Variants in TJP1 observed in about 807,000 individuals in gnomAD.
TJP1 encodes the protein tight junction protein 1, also known as tight junction protein ZO-1.
Under a neutral mutation model 194.2 loss-of-function variants are expected in TJP1, and 43 were observed. The ratio of observed to expected loss-of-function variants is 0.22; its 90% CI spans 0.17 to 0.29. TJP1 has a LOEUF of 0.29. Among genes scored for constraint, TJP1 ranks in the 10% least tolerant of loss-of-function variants. The pLI, the probability that TJP1 is intolerant of heterozygous loss-of-function variation, is 1.00. For synonymous variants in TJP1, 801 were observed against 779.0 expected (o/e 1.03, Z -0.47); for missense variants, 1,971 against 2,185.7 (o/e 0.90, Z 1.96).
chr15:29,937,879 C>G (rs991229821), intron 2 of TJP1, among the ~76,000 whole-genome samples: 4 of 152,194 alleles, frequency 2.6e-5, no homozygotes, highest in African/African-American at 9.7e-5. Flanking sequence ...TTATCAAATG[C>G]TAAATCTAGG....
intron 2 of TJP1, among the ~76,000 whole-genome samples, chr15:29,882,244 CAT>C (rs2052961723): frequency 6.6e-6 from 1 of 152,026 alleles, no homozygotes; most frequent in Non-Finnish European, 1.5e-5. Context: ...GAGTTTTCAC[CAT>C]ATGTTTTGTG....
At chr15:29,722,026 T>C (rs2042959414) in intron 18 of TJP1, among the ~76,000 whole-genome samples, 1 of 152,232 alleles carries the variant, frequency 6.6e-6, no homozygotes, top group South Asian at 2.1e-4. Context: ...AAACAGATTA[T>C]CTGAAACTGG....
chr15:29,795,219 T>C (rs2048329040), intron 2 of TJP1, among the ~76,000 whole-genome samples: 1 of 150,490 alleles, frequency 6.6e-6, no homozygotes, highest in East Asian at 2.0e-4. Context: ...AGGTCAGGAG[T>C]TCAAGACCAG....
intron 2 of TJP1, among the ~76,000 whole-genome samples, chr15:29,841,081 C>T (rs2051207662): frequency 6.6e-6 from 1 of 152,112 alleles, no homozygotes; most frequent in Non-Finnish European, 1.5e-5. Flanking sequence ...AGGACACTGG[C>T]ATTTCCCATG....
At chr15:29,753,219 C>T (rs1319879791) in intron 8 of TJP1, among the ~76,000 whole-genome samples, 2 of 151,894 alleles carry the variant, frequency 1.3e-5, no homozygotes, top group Non-Finnish European at 2.9e-5. Context: ...CGCAGTGGCT[C>T]ACGCCTGTAA....
intron 2 of TJP1, among the ~76,000 whole-genome samples, chr15:29,785,402 G>A (rs968547103): frequency 2.0e-5 from 3 of 152,100 alleles, no homozygotes; most frequent in Non-Finnish European, 4.4e-5. Flanking sequence ...AGTTCCAACA[G>A]GGACCTTGTG....
At chr15:29,928,956 A>C (rs545792497) in intron 2 of TJP1, among the ~76,000 whole-genome samples, 3 of 152,214 alleles carry the variant, frequency 2.0e-5, no homozygotes, top group African/African-American at 4.8e-5. Context: ...AAAAACCAAA[A>C]CAAAACACAC....
At chr15:29,870,144 C>T (rs946503800) in intron 2 of TJP1, among the ~76,000 whole-genome samples, 1 of 148,026 alleles carries the variant, frequency 6.8e-6, no homozygotes, top group Non-Finnish European at 1.5e-5. Flanking sequence ...CTGTCCCTTT[C>T]CTCTTTCTAA....
At chr15:29,948,137 C>T (rs529878928) in intron 2 of TJP1, among the ~76,000 whole-genome samples, 16 of 151,876 alleles carry the variant, frequency 1.1e-4, no homozygotes, top group Non-Finnish European at 1.8e-4. Context: ...TGGTGGTGCC[C>T]GCCTGTAGTC....
At chr15:29,931,675 C>A (rs1233249007) in intron 2 of TJP1, among the ~76,000 whole-genome samples, 1 of 152,106 alleles carries the variant, frequency 6.6e-6, no homozygotes, top group Non-Finnish European at 1.5e-5. Context: ...AGTACTTGCC[C>A]TACTGTTAGA....
chr15:29,719,233 T>A, intron 20 of TJP1, 95 bp from the exon 21 acceptor site: 1 of 1,333,478 alleles, frequency 7.5e-7, no homozygotes, highest in Non-Finnish European at 1.0e-6. Flanking sequence ...CGATTTAATA[T>A]GTGAAAATGG....
chr15:29,741,482 A>G (rs2044415859), intron 9 of TJP1, 46 bp from the exon 10 acceptor site: 1 of 1,311,574 alleles, frequency 7.6e-7, no homozygotes, highest in Non-Finnish European at 1.1e-6. Context: ...AAAAACATGG[A>G]ATAATAATGC....
At chr15:29,907,798 C>A (rs1294931171) in intron 2 of TJP1, among the ~76,000 whole-genome samples, 1 of 151,942 alleles carries the variant, frequency 6.6e-6, no homozygotes, top group Admixed American at 6.6e-5. Flanking sequence ...GTTCCCGCGA[C>A]CTCTTTTTCT....
chr15:29,862,647 CTTTTT>C (rs11305773), intron 2 of TJP1, among the ~76,000 whole-genome samples: 4 of 101,304 alleles, frequency 3.9e-5, no homozygotes, highest in Non-Finnish European at 3.8e-5. Flanking sequence ...TTTTTCTTTT[CTTTTT>C]TTTTTTTTTT....
At chr15:29,930,558 A>G (rs1159161722) in intron 2 of TJP1, among the ~76,000 whole-genome samples, 1 of 152,242 alleles carries the variant, frequency 6.6e-6, no homozygotes, top group Non-Finnish European at 1.5e-5. Context: ...CTGGCAAACC[A>G]AGACCAACAG....
chr15:29,706,908 A>G (rs572006466), intron 25 of TJP1, among the ~76,000 whole-genome samples: 26 of 152,002 alleles, frequency 1.7e-4, no homozygotes, highest in African/African-American at 5.3e-4. Flanking sequence ...GCCCGCCTCA[A>G]CCTCCGAAAG....
At chr15:29,865,295 G>A (rs1391567623) in intron 2 of TJP1, among the ~76,000 whole-genome samples, 1 of 152,170 alleles carries the variant, frequency 6.6e-6, no homozygotes, top group Non-Finnish European at 1.5e-5. Context: ...TAAAGCCTAA[G>A]AGCATGGGGA....
rs553531709 is a variant in TJP1, at chr15:29,772,121, A to G, written c.255T>C (p.Asn85=). 6.8e-6 allele frequency: 11 copies of G among 1,606,750 alleles called. No individual in the cohort carries two copies. In the African/African-American group the frequency reaches 1.3e-4, roughly 20 times the overall value. ...VAMVNGVSMD[N]VEHAFAVQQL... is the part of the protein sequence containing the mutation. ...GCTGAACAGCAAAAGCATGTTCAAC[A>G]TTATCCATTGAAACTCCGTTAACCA... Residue 85 remains asparagine (N), a synonymous_variant, in exon 4 of 28, where the codon AAT becomes AAC. Coordinates refer to ENST00000614355, the MANE Select transcript of TJP1 (RefSeq NM_001330239.4).
At chr15:29,780,832 A>C (rs1184915622) in intron 2 of TJP1, among the ~76,000 whole-genome samples, 1 of 152,184 alleles carries the variant, frequency 6.6e-6, no homozygotes, top group Non-Finnish European at 1.5e-5. Flanking sequence ...CTTAAGAGAA[A>C]AAGTAAAAAA....
Sources: gnomAD v4.1 joint callset for allele counts (sites outside exome capture counted in the v4.1 genomes callset) on GRCh38, gnomAD v4.1.1 for gene constraint, MANE v1.5 for transcripts, NCBI Gene and HGNC (gene_info 2026-07-23, HGNC 2026-07-21) for gene names.